The following PASD1 variants were observed in gnomAD, a reference collection of about 807,000 sequenced individuals.
The protein encoded by PASD1 is PAS domain containing repressor 1.
PASD1 carries 13 observed loss-of-function variants against 58.8 expected under a neutral mutation model. The observed-to-expected ratio is 0.22, with a 90% CI of 0.14 to 0.35. PASD1 has a LOEUF of 0.35. PASD1 is among the 10% of genes least tolerant of loss of function. PASD1 has a pLI of 1.00. For missense variants in PASD1, 734 were observed against 568.3 expected (o/e 1.29, Z -2.96); for synonymous variants, 236 against 216.7 (o/e 1.09, Z -0.78).
intron 1 of PASD1, among the ~76,000 whole-genome samples, chrX:151,579,282 A>G (rs1456568063): frequency 8.9e-6 from 1 of 112,378 alleles, no homozygotes; most frequent in African/African-American, 3.2e-5. Context: ...GTTTAACTTA[A>G]GCCTGTTACT....
chrX:151,672,830 C>A, intron 14 of PASD1, 169 bp downstream of exon 14: 1 of 801,094 alleles, frequency 1.2e-6, no homozygotes. Context: ...CGGCCATCAT[C>A]CTTCTGCATG....
chrX:151,633,044 A>G (rs1482532184), intron 8 of PASD1, among the ~76,000 whole-genome samples: 3 of 112,174 alleles, frequency 2.7e-5, no homozygotes, highest in Non-Finnish European at 5.6e-5. Context: ...TGAACATAGC[A>G]GACAGTCATG....
At chrX:151,648,017 A>G (rs951728830) in intron 8 of PASD1, among the ~76,000 whole-genome samples, 1 of 111,554 alleles carries the variant, frequency 9.0e-6, no homozygotes, top group African/African-American at 3.3e-5. Context: ...ATACATTTCA[A>G]TAACAGAATC....
rs201216842 is a variant in PASD1 at position 151,669,166 on chromosome X, ATG to A, written c.1072-1862_1072-1861del. ...CAGTTGTACATATTATATATACTAT[ATG>A]TGTGTGTGTATATATATATATATAT... is the stretch of plus-strand genomic sequence containing the variant. On this transcript the variant is annotated intron_variant, in intron 11 of 15. Transcript: ENST00000370357. 1.7e-4 allele frequency among the ~76,000 whole-genome samples: 16 copies of A among 93,355 alleles called. No individual in the cohort carries two copies. The South Asian group carries it at 6.2e-3, about 36-fold the overall frequency. 81.1% of individuals were successfully genotyped at this position (93,355 alleles called of 115,157 possible).
chrX:151,657,676 G>A (rs1431431847), intron 9 of PASD1, among the ~76,000 whole-genome samples: 1 of 111,419 alleles, frequency 9.0e-6, no homozygotes, highest in African/African-American at 3.3e-5. Context: ...TCTGATGGCA[G>A]TTTGTATTTC....
chrX:151,669,635 A>G (rs774338617), intron 11 of PASD1, among the ~76,000 whole-genome samples: 208 of 111,541 alleles, frequency 1.9e-3, no homozygotes, highest in African/African-American at 6.4e-3. Context: ...TATGAGTGAG[A>G]ACATGTGATA....
intron 2 of PASD1, among the ~76,000 whole-genome samples, chrX:151,602,721 G>T (rs781002690): frequency 0.018 from 1,981 of 109,014 alleles, 14 homozygotes; most frequent in African/African-American, 0.021. Flanking sequence ...ATAAGAAGAA[G>T]AAGAAGAAGA....
At position 151,674,176 on chromosome X, in the gene PASD1, C is replaced by T. The variant is rs2014515123; in HGVS notation, c.2165C>T (p.Thr722Ile). Residue 722 changes from threonine to isoleucine, a missense_variant, in exon 15 of 16, where the codon ACC becomes ATC. Thr to Ile is a moderately conservative substitution (Grantham distance 89, BLOSUM62 -1). Transcript: ENST00000370357. The part of the protein sequence containing the change: ...DEQGTLHGQP[T>I]YHQVQVSEVG... ...CAGGGCACCCTGCACGGCCAACCCA[C>T]CTACCATCAGGTATGGGACAGCCCC... is the stretch of plus-strand genomic sequence containing the variant. The T allele has an allele frequency of 3.3e-6, 4 of 1,211,994 alleles. No individual in the cohort carries two copies. The highest frequency in any genetic ancestry group is 3.5e-5 in the African/African-American group (2 of 57,874).
At chrX:151,573,270 C>T (rs2012953806) in intron 1 of PASD1, among the ~76,000 whole-genome samples, 1 of 111,364 alleles carries the variant, frequency 9.0e-6, no homozygotes, top group Non-Finnish European at 1.9e-5. Flanking sequence ...TACAATTCAA[C>T]ATGAGATTTG....
intron 9 of PASD1, among the ~76,000 whole-genome samples, chrX:151,656,617 G>A (rs2014245822): frequency 9.0e-6 from 1 of 111,356 alleles, no homozygotes; most frequent in Non-Finnish European, 1.9e-5. Flanking sequence ...TCTCTTTGAA[G>A]CAATTGTGAA....
chrX:151,603,021 T>G (rs2013439746), intron 2 of PASD1, among the ~76,000 whole-genome samples: 1 of 112,710 alleles, frequency 8.9e-6, no homozygotes, highest in Non-Finnish European at 1.9e-5. Flanking sequence ...CCTAATACCT[T>G]CCTAGTAAGG....
chrX:151,673,087 G>A (rs769260029), intron 14 of PASD1: 2 of 141,541 alleles, frequency 1.4e-5, no homozygotes, highest in Non-Finnish European at 2.8e-5. Flanking sequence ...TAGGCCAAGT[G>A]CAGGTATCTC....
chrX:151,577,649 C>T (rs1324171261), intron 1 of PASD1, among the ~76,000 whole-genome samples: 3 of 111,560 alleles, frequency 2.7e-5, no homozygotes, highest in Non-Finnish European at 3.8e-5. Flanking sequence ...CTCAGCCTCC[C>T]GAGTAGCTGG....
intron 4 of PASD1, among the ~76,000 whole-genome samples, chrX:151,619,664 G>T (rs899663432): frequency 9.0e-6 from 1 of 111,583 alleles, no homozygotes; most frequent in African/African-American, 3.3e-5. Flanking sequence ...TGAGGGCTGA[G>T]AAGTGATGAT....
chrX:151,622,617 A>ACACACACACT (rs1303122421), intron 6 of PASD1, among the ~76,000 whole-genome samples: 1 of 104,906 alleles, frequency 9.5e-6, no homozygotes, highest in Non-Finnish European at 2.0e-5. Context: ...ACACACACAC[A>ACACACACACT]CTCCCACACA....
rs757089803 is a variant in PASD1 at position 151,611,716 on chromosome X, T to C, written c.170T>C (p.Val57Ala). The C allele has an allele frequency of 3.3e-6, 4 of 1,208,056 alleles. No individual in the cohort carries two copies. The South Asian group carries it at 7.1e-5, about 22-fold the overall frequency. Reference protein sequence around the residue: ...TLSTDGVIICVAENISSLLGH... With the variant: ...TLSTDGVIICAAENISSLLGH... ...AGCACAGATGGAGTGATCATTTGTG[T>C]GGCTGAAAACATCTCTTCTCTTCTT... Residue 57 changes from valine to alanine, a missense_variant, in exon 4 of 16, where the codon GTG (valine) becomes GCG (alanine). Physicochemically the swap from Val to Ala is moderately conservative, Grantham distance 64. Transcript: ENST00000370357.
chrX:151,626,215 G>T (rs759968943), intron 8 of PASD1, among the ~76,000 whole-genome samples: 1 of 111,343 alleles, frequency 9.0e-6, no homozygotes, highest in Non-Finnish European at 1.9e-5. Context: ...ACTTTTAAAT[G>T]GTAGAAGAGC....
At chrX:151,589,726 C>A (rs888055762) in intron 1 of PASD1, among the ~76,000 whole-genome samples, 1 of 112,002 alleles carries the variant, frequency 8.9e-6, no homozygotes, top group African/African-American at 3.2e-5. Context: ...CACTCTTCAA[C>A]ACTGGTGTCC....
In PASD1 at chrX:151,626,355, A is replaced by G. The variant is rs138965215; in HGVS notation, c.629+825A>G. 3.3e-4 allele frequency among the ~76,000 whole-genome samples: 37 copies of G among 112,151 alleles called. No homozygotes were observed. In the East Asian group the frequency reaches 9.5e-3, roughly 29 times the overall value. ...AAATATTCCACTATTTCACGTGAGAAAAGTAAAAATATATTCCTAACCCCC... is the reference window on the plus strand; with the variant it reads ...AAATATTCCACTATTTCACGTGAGAGAAGTAAAAATATATTCCTAACCCCC... On this transcript the variant is annotated intron_variant, in intron 8 of 15. Coordinates refer to ENST00000370357, the MANE Select transcript of PASD1 (RefSeq NM_173493.3).
Sources: gnomAD v4.1 joint callset for allele counts (sites outside exome capture counted in the v4.1 genomes callset) on GRCh38, gnomAD v4.1.1 for gene constraint, MANE v1.5 for transcripts, NCBI Gene and HGNC (gene_info 2026-07-23, HGNC 2026-07-21) for gene names.